Variants in PRLR observed in about 807,000 individuals in gnomAD.
PRLR encodes the protein prolactin receptor, also known as hPRL receptor.
Under a neutral mutation model 40.2 loss-of-function variants are expected in PRLR, and 13 were observed. The ratio of observed to expected loss-of-function variants is 0.32; its 90% CI spans 0.21 to 0.51. The LOEUF (loss-of-function observed/expected upper bound fraction) is 0.51. Among genes scored for constraint, PRLR ranks in the 20% least tolerant of loss-of-function variants. The pLI is 0.97. For missense variants in PRLR, 656 were observed against 747.3 expected (o/e 0.88, Z 1.42); for synonymous variants, 269 against 278.7 (o/e 0.97, Z 0.35).
intron 2 of PRLR, among the ~76,000 whole-genome samples, chr5:35,104,192 C>T (rs540593932): frequency 2.2e-4 from 33 of 152,240 alleles, no homozygotes; most frequent in Admixed American, 7.2e-4. Flanking sequence ...TCTCACCCTC[C>T]GTCCACATGT....
chr5:35,079,524 A>G (rs1770355699), intron 5 of PRLR, among the ~76,000 whole-genome samples: 2 of 152,212 alleles, frequency 1.3e-5, no homozygotes, highest in African/African-American at 4.8e-5. Context: ...CTCTTCAAGG[A>G]GAACTACAAA....
intron 1 of PRLR, among the ~76,000 whole-genome samples, chr5:35,126,864 TAAG>T (rs1030631168): frequency 2.4e-4 from 36 of 152,296 alleles, no homozygotes; most frequent in African/African-American, 8.2e-4. Context: ...CTCTAGGAAA[TAAG>T]AACCATTATT....
chr5:35,065,354 T>A lies in PRLR; in HGVS notation c.1604A>T (p.Lys535Met). The change falls in exon 10 of 10, where the codon AAG (lysine) becomes ATG (methionine). Residue 535 changes from lysine to methionine, a missense_variant. Physicochemically the swap from Lys to Met is moderately conservative, Grantham distance 95. Coordinates refer to ENST00000618457, the MANE Select transcript of PRLR (RefSeq NM_000949.7). ...ATTGTTCTCAGGAGTCCCGGGCTTC[T>A]TGGGCTTGCCGCTGTTCTCTCTCTG... is the stretch of plus-strand genomic sequence containing the variant. ...PKQRENSGKP[K>M]KPGTPENNKE... 6.2e-7 allele frequency: 1 copy of A among 1,614,174 alleles called. No homozygotes were observed. The highest frequency in any genetic ancestry group is 8.5e-7 in the Non-Finnish European group (1 of 1,180,024).
At chr5:35,081,122 A>G (rs1225619038) in intron 5 of PRLR, 1 of 152,142 alleles carries the variant, frequency 6.6e-6, no homozygotes, top group Non-Finnish European at 1.5e-5. Context: ...GCACACCAAC[A>G]TGGCACATGT....
At chr5:35,225,825 G>A (rs1427124868) in intron 1 of PRLR, among the ~76,000 whole-genome samples, 1 of 152,116 alleles carries the variant, frequency 6.6e-6, no homozygotes, top group African/African-American at 2.4e-5. Flanking sequence ...GGGATTACAG[G>A]CACCCACCAC....
At chr5:35,159,448 TAG>T (rs78897836) in intron 1 of PRLR, among the ~76,000 whole-genome samples, 8,699 of 152,026 alleles carry the variant, frequency 0.057, 377 homozygotes, top group African/African-American at 0.11. Flanking sequence ...CAGAAAAAAC[TAG>T]AGTGTCACCA....
At chr5:35,227,259 C>T (rs964913012) in intron 1 of PRLR, among the ~76,000 whole-genome samples, 3 of 152,182 alleles carry the variant, frequency 2.0e-5, no homozygotes, top group Non-Finnish European at 4.4e-5. Context: ...TTAGAAGAAT[C>T]TTAATCCGGT....
chr5:35,073,863 C>G (rs959132974), intron 5 of PRLR, among the ~76,000 whole-genome samples: 2 of 152,146 alleles, frequency 1.3e-5, no homozygotes, highest in African/African-American at 4.8e-5. Flanking sequence ...CATGTACTAG[C>G]ATGGCAAGAA....
At chr5:35,164,953 C>A (rs966891019) in intron 1 of PRLR, among the ~76,000 whole-genome samples, 2 of 152,272 alleles carry the variant, frequency 1.3e-5, no homozygotes, top group Middle Eastern at 6.8e-3. Context: ...TGGTTTGGGT[C>A]TCTGTGTTGA....
chr5:35,110,186 G>A (rs1301120775), intron 2 of PRLR, among the ~76,000 whole-genome samples: 1 of 152,116 alleles, frequency 6.6e-6, no homozygotes, highest in Admixed American at 6.5e-5. Flanking sequence ...TTGGACACAG[G>A]GTGGGGAACA....
intron 9 of PRLR, 28 bp from the exon 10 acceptor site, chr5:35,066,130 T>A: frequency 6.3e-7 from 1 of 1,592,566 alleles, no homozygotes; most frequent in South Asian, 1.1e-5. Flanking sequence ...CAAGAAGAGA[T>A]GGCTGTTAGC....
At chr5:35,075,428 C>A (rs989297056) in intron 5 of PRLR, among the ~76,000 whole-genome samples, 1 of 152,186 alleles carries the variant, frequency 6.6e-6, no homozygotes, top group African/African-American at 2.4e-5. Context: ...GCCCATGGAG[C>A]CTTGCTCACT....
chr5:35,152,009 T>C (rs1774356280), intron 1 of PRLR, among the ~76,000 whole-genome samples: 1 of 152,212 alleles, frequency 6.6e-6, no homozygotes, highest in South Asian at 2.1e-4. Flanking sequence ...CCCATCATAA[T>C]AGAAAGGTGT....
chr5:35,220,458 C>T (rs1053883687), intron 1 of PRLR, among the ~76,000 whole-genome samples: 1 of 152,202 alleles, frequency 6.6e-6, no homozygotes, highest in African/African-American at 2.4e-5. Flanking sequence ...GACAGTGCAA[C>T]TTGTACAAGC....
intron 2 of PRLR, among the ~76,000 whole-genome samples, chr5:35,103,824 T>A (rs1375889767): frequency 6.6e-6 from 1 of 152,230 alleles, no homozygotes; most frequent in East Asian, 1.9e-4. Context: ...GCCAGTTTAT[T>A]TGCAAGTCAA....
intron 1 of PRLR, among the ~76,000 whole-genome samples, chr5:35,127,783 C>G (rs80258329): frequency 0.026 from 3,918 of 152,166 alleles, 89 homozygotes; most frequent in Middle Eastern, 0.092. Flanking sequence ...ATTCCATTTA[C>G]GTGAAATGTC....
intron 1 of PRLR, among the ~76,000 whole-genome samples, chr5:35,131,268 G>A (rs2053238607): frequency 1.3e-5 from 2 of 152,178 alleles, no homozygotes; most frequent in Admixed American, 6.5e-5. Flanking sequence ...CACAGCACAT[G>A]TTTTATTCTA....
intron 1 of PRLR, among the ~76,000 whole-genome samples, chr5:35,228,916 G>C (rs1474442435): frequency 6.6e-6 from 1 of 152,038 alleles, no homozygotes; most frequent in East Asian, 1.9e-4. Flanking sequence ...CTTTCAGGGA[G>C]TATCCACAAA....
intron 1 of PRLR, among the ~76,000 whole-genome samples, chr5:35,209,753 A>AT: frequency 6.6e-6 from 1 of 152,348 alleles, no homozygotes; most frequent in Middle Eastern, 3.4e-3. Flanking sequence ...TCACTGTGCC[A>AT]TGATGGTATA....
Sources: gnomAD v4.1 joint callset for allele counts (sites outside exome capture counted in the v4.1 genomes callset) on GRCh38, gnomAD v4.1.1 for gene constraint, MANE v1.5 for transcripts, NCBI Gene and HGNC (gene_info 2026-07-23, HGNC 2026-07-21) for gene names.